The following SMIM10L3 variants were observed in gnomAD, a reference collection of about 807,000 sequenced individuals.
The protein encoded by SMIM10L3 is small integral membrane protein 10 like 3.
At chr7:6,347,144 T>A in the SMIM10L3 span, among the ~76,000 whole-genome samples, 1 of 152,108 alleles carries the variant, frequency 6.6e-6, no homozygotes, top group Non-Finnish European at 1.5e-5. Flanking sequence ...CTTGGCAACA[T>A]GGGAAGACCC....
the SMIM10L3 span, among the ~76,000 whole-genome samples, chr7:6,331,398 G>A: frequency 1.3e-5 from 2 of 152,264 alleles, no homozygotes; most frequent in Non-Finnish European, 2.9e-5. Flanking sequence ...CCTGACCTCA[G>A]GTGATCCACC....
chr7:6,334,856 C>T, the SMIM10L3 span, among the ~76,000 whole-genome samples: 4 of 151,800 alleles, frequency 2.6e-5, no homozygotes, highest in South Asian at 8.3e-4. Context: ...GCAACCTCCA[C>T]CTCCTGGGTT....
At chr7:6,336,447 A>G in the SMIM10L3 span, among the ~76,000 whole-genome samples, 4 of 152,074 alleles carry the variant, frequency 2.6e-5, no homozygotes, top group African/African-American at 7.2e-5. Context: ...TTGGGAGGCC[A>G]TGGCAGGCAG....
the SMIM10L3 span, among the ~76,000 whole-genome samples, chr7:6,340,692 G>C: frequency 5.3e-5 from 8 of 151,982 alleles, no homozygotes; most frequent in African/African-American, 1.9e-4. Context: ...GAGGTCAGGA[G>C]ATCGAGACCA....
chr7:6,331,046 C>G, the SMIM10L3 span: 1 of 1,613,924 alleles, frequency 6.2e-7, no homozygotes, highest in African/African-American at 1.3e-5. Flanking sequence ...GGCCAAGGGC[C>G]CTCCGGCATT....
the SMIM10L3 span, among the ~76,000 whole-genome samples, chr7:6,340,305 T>C: frequency 4.6e-5 from 7 of 152,154 alleles, no homozygotes; most frequent in African/African-American, 1.4e-4. Flanking sequence ...CAACAGCAGC[T>C]ACTATCATCA....
the SMIM10L3 span, among the ~76,000 whole-genome samples, chr7:6,343,325 C>G: frequency 2.1e-5 from 3 of 146,068 alleles, no homozygotes; most frequent in Admixed American, 7.0e-5. Flanking sequence ...TGCAGTGATC[C>G]AAAATCACAC....
the SMIM10L3 span, among the ~76,000 whole-genome samples, chr7:6,346,467 A>G: frequency 1.7e-4 from 26 of 152,266 alleles, no homozygotes; most frequent in South Asian, 4.6e-3. Context: ...CCCAGGCTCA[A>G]GCGATCCTCC....
At chr7:6,330,623 C>A in the SMIM10L3 span, 2 of 1,614,132 alleles carry the variant, frequency 1.2e-6, no homozygotes, top group Non-Finnish European at 1.7e-6. Context: ...GAGCCCAGAC[C>A]CTTGGGAAAA....
chr7:6,339,849 G>C, the SMIM10L3 span, among the ~76,000 whole-genome samples: 10 of 151,938 alleles, frequency 6.6e-5, no homozygotes, highest in South Asian at 1.0e-3. Context: ...AAGGAGAGGA[G>C]AGTGTGCAGA....
the SMIM10L3 span, chr7:6,329,985 T>TCGGTGG: frequency 4.6e-6 from 1 of 218,576 alleles, no homozygotes; most frequent in Non-Finnish European, 9.9e-6. Flanking sequence ...TGGTGTAGAC[T>TCGGTGG]TTACAAGTAT....
At chr7:6,331,256 A>G in the SMIM10L3 span, 1 of 1,220,404 alleles carries the variant, frequency 8.2e-7, no homozygotes, top group Non-Finnish European at 1.1e-6. Flanking sequence ...GAATCAAATT[A>G]AAGTTCTAAA....
the SMIM10L3 span, among the ~76,000 whole-genome samples, chr7:6,346,895 G>A: frequency 1.3e-5 from 2 of 152,184 alleles, no homozygotes; most frequent in African/African-American, 2.4e-5. Flanking sequence ...CCCAAGGACC[G>A]TCCAACTGTA....
chr7:6,347,413 G>T, the SMIM10L3 span, among the ~76,000 whole-genome samples: 2 of 152,084 alleles, frequency 1.3e-5, no homozygotes, highest in African/African-American at 4.8e-5. Context: ...CTACTCAGGA[G>T]GCTGAGTCAG....
chr7:6,346,197 C>G, the SMIM10L3 span, among the ~76,000 whole-genome samples: 1 of 152,064 alleles, frequency 6.6e-6, no homozygotes, highest in Non-Finnish European at 1.5e-5. Context: ...AGGGCTCAGG[C>G]CTTCTCGTTT....
the SMIM10L3 span, among the ~76,000 whole-genome samples, chr7:6,333,198 A>G: frequency 1.3e-5 from 2 of 151,664 alleles, no homozygotes; most frequent in Non-Finnish European, 2.9e-5. Context: ...ACAAAAAAAC[A>G]CTGGGGAGAA....
chr7:6,332,077 A>G, the SMIM10L3 span, among the ~76,000 whole-genome samples: 1 of 147,828 alleles, frequency 6.8e-6, no homozygotes, highest in Non-Finnish European at 1.5e-5. Flanking sequence ...ATGCCACTGC[A>G]CTCCAGCCTG....
the SMIM10L3 span, among the ~76,000 whole-genome samples, chr7:6,335,717 T>C: frequency 9.5e-4 from 144 of 152,248 alleles, no homozygotes; most frequent in African/African-American, 3.2e-3. Context: ...ATTGTGACCA[T>C]TATTCTATAT....
the SMIM10L3 span, among the ~76,000 whole-genome samples, chr7:6,341,667 GC>G: frequency 2.0e-5 from 3 of 149,938 alleles, no homozygotes; most frequent in Admixed American, 6.7e-5. Flanking sequence ...TCTAGCCTGG[GC>G]CACAGAGCAA....
Sources: allele counts gnomAD v4.1 joint callset (sites outside exome capture counted in the v4.1 genomes callset), GRCh38; gene constraint gnomAD v4.1.1; transcripts MANE v1.5; gene names NCBI Gene and HGNC (gene_info 2026-07-23, HGNC 2026-07-21).